Variants in RXRA observed in about 807,000 individuals in gnomAD.
The protein encoded by RXRA is retinoic acid receptor RXR-alpha.
Under a neutral mutation model 44.5 loss-of-function variants are expected in RXRA, and 5 were observed. The observed-to-expected ratio is 0.11, with a 90% CI of 0.06 to 0.24. The LOEUF is 0.24. Among genes scored for constraint, RXRA ranks in the 10% least tolerant of loss-of-function variants. The pLI, the probability that RXRA is intolerant of heterozygous loss-of-function variation, is 1.00. For synonymous variants in RXRA, 291 were observed against 271.4 expected (o/e 1.07, Z -0.71); for missense variants, 412 against 646.5 (o/e 0.64, Z 3.93).
intron 5 of RXRA, among the ~76,000 whole-genome samples, chr9:134,421,120 G>A (rs1052790291): frequency 2.0e-5 from 3 of 152,228 alleles, no homozygotes; most frequent in African/African-American, 7.2e-5. Flanking sequence ...AGAGCTGTGG[G>A]AGAGACTCGT....
chr9:134,387,793 A>G (rs76802608), intron 1 of RXRA, among the ~76,000 whole-genome samples: 16,561 of 152,228 alleles, frequency 0.11, 3,026 homozygotes, highest in African/African-American at 0.38. Context: ...TGTCCTGGGC[A>G]TCTCTGGGCT....
chr9:134,391,913 T>A (rs903831475), intron 1 of RXRA, among the ~76,000 whole-genome samples: 2 of 152,076 alleles, frequency 1.3e-5, no homozygotes, highest in Non-Finnish European at 2.9e-5. Context: ...GAGGAGCGGC[T>A]CCCCCTTGTC....
chr9:134,340,278 G>C (rs1830070875), intron 1 of RXRA, among the ~76,000 whole-genome samples: 1 of 152,208 alleles, frequency 6.6e-6, no homozygotes, highest in Non-Finnish European at 1.5e-5. Flanking sequence ...CAGGACAGGA[G>C]AATGAGAAGC....
intron 1 of RXRA, among the ~76,000 whole-genome samples, chr9:134,338,031 G>A (rs1359808945): frequency 6.6e-6 from 1 of 152,216 alleles, no homozygotes; most frequent in East Asian, 1.9e-4. Flanking sequence ...CCTTGCCCTC[G>A]TGGGCTGCCA....
At chr9:134,361,343 C>T (rs1830349160) in intron 1 of RXRA, among the ~76,000 whole-genome samples, 1 of 152,174 alleles carries the variant, frequency 6.6e-6, no homozygotes, top group African/African-American at 2.4e-5. Context: ...CCCCTGAGCC[C>T]CCAAGCCGTT....
chr9:134,395,952 C>T (rs1830871646), intron 1 of RXRA, among the ~76,000 whole-genome samples: 1 of 152,224 alleles, frequency 6.6e-6, no homozygotes. Flanking sequence ...GGGCCATGCT[C>T]CTGGGGCTGG....
At position 134,433,837 on chromosome 9, in the gene RXRA, T is replaced by C. The variant is rs778556402; in HGVS notation, c.1136-265T>C. On this transcript the variant is annotated intron_variant, in intron 8 of 9. Transcript: ENST00000481739. The surrounding 1 kb of genome is among the most constrained non-coding windows in gnomAD (Gnocchi z 4.2). ...GGAAACCGAGTCTCTGGAGGTCAAA[T>C]AGTTGACCCAAGGTCACGTGGCTGG... Among the ~76,000 whole-genome samples, 83 of 152,138 alleles carry C rather than the reference T, an allele frequency of 5.5e-4. No individual in the cohort carries two copies. Among genetic ancestry groups the C allele is most frequent in the Non-Finnish European group, 1.0e-4 (7 of 68,000 alleles).
At chr9:134,327,400 C>T (rs980919146) in intron 1 of RXRA, among the ~76,000 whole-genome samples, 46 of 152,238 alleles carry the variant, frequency 3.0e-4, no homozygotes, top group Admixed American at 9.8e-4. Flanking sequence ...CCAGACTGCC[C>T]GCCAACTCCA....
At chr9:134,376,496 C>A (rs1830559238) in intron 1 of RXRA, among the ~76,000 whole-genome samples, 1 of 152,280 alleles carries the variant, frequency 6.6e-6, no homozygotes, top group Admixed American at 6.5e-5. Flanking sequence ...TGCCGCCCGC[C>A]ACACTCTGCT....
intron 1 of RXRA, among the ~76,000 whole-genome samples, chr9:134,388,042 G>C (rs1830746170): frequency 6.6e-6 from 1 of 152,166 alleles, no homozygotes; most frequent in African/African-American, 2.4e-5. Context: ...TGCACCCCAT[G>C]GTGACCACAG....
At chr9:134,413,886 CT>C (rs1397842550) in intron 4 of RXRA, among the ~76,000 whole-genome samples, 2 of 152,158 alleles carry the variant, frequency 1.3e-5, no homozygotes, top group Non-Finnish European at 2.9e-5. Context: ...CCTGGGAGGA[CT>C]GGGCTGCGGT....
chr9:134,370,771 G>A (rs924481819), intron 1 of RXRA, among the ~76,000 whole-genome samples: 1 of 152,230 alleles, frequency 6.6e-6, no homozygotes, highest in African/African-American at 2.4e-5. Context: ...GGTGGGCCTT[G>A]TGCACAGCCC....
intron 1 of RXRA, among the ~76,000 whole-genome samples, chr9:134,331,019 TG>T (rs1181333411): frequency 6.6e-6 from 1 of 152,068 alleles, no homozygotes; most frequent in African/African-American, 2.4e-5. Context: ...TGATGGTCGC[TG>T]GGGGCTGTCA....
At chr9:134,354,114 G>A (rs1830254798) in intron 1 of RXRA, among the ~76,000 whole-genome samples, 1 of 152,194 alleles carries the variant, frequency 6.6e-6, no homozygotes, top group Non-Finnish European at 1.5e-5. Flanking sequence ...TCCAGCCTTT[G>A]TGTCTCTTCT....
rs915581870 is a variant in RXRA, at chr9:134,425,914, T to C, written c.911-3194T>C. 5 of 985,196 alleles carry C rather than the reference T, an allele frequency of 5.1e-6. No individual in the cohort carries two copies. The African/African-American group carries it at 8.7e-5, about 17-fold the overall frequency. 61.0% of individuals were successfully genotyped at this position (985,196 alleles called of 1,614,324 possible). A position where few individuals can be genotyped will look rare whatever the true frequency, so the allele number is the denominator to read the frequency against. ...TCCCTTGTGCTGCGGAAGTGGTGGCTCAGAGGTGAGACAGGAACGTGGCTG... is the reference window on the plus strand; with the variant it reads ...TCCCTTGTGCTGCGGAAGTGGTGGCCCAGAGGTGAGACAGGAACGTGGCTG... On this transcript the variant is annotated intron_variant, in intron 6 of 9. Transcript: ENST00000481739.
In RXRA at chr9:134,439,740, T is replaced by C. The variant is rs887839420; in HGVS notation, c.*3126T>C. 4.6e-5 allele frequency: 7 copies of C among 152,302 alleles called. No homozygotes were observed. The highest frequency in any genetic ancestry group is 8.8e-5 in the Non-Finnish European group (6 of 68,062). The allele number at this position is 152,302 out of a possible 1,614,324, so 9.4% of individuals were successfully genotyped here. On this transcript the variant is annotated 3_prime_UTR_variant, in exon 10 of 10. Coordinates refer to ENST00000481739, the MANE Select transcript of RXRA (RefSeq NM_002957.6). Reference sequence around the variant, plus strand: ...GTGTGTGGTGTAAACATGTATGTGCTGTACAGAGAGACGCGTGTGGAGAGA... The same window carrying C: ...GTGTGTGGTGTAAACATGTATGTGCCGTACAGAGAGACGCGTGTGGAGAGA...
intron 1 of RXRA, among the ~76,000 whole-genome samples, chr9:134,388,286 T>TGTGTGTGTGTGTGTGTGTGAGTGA (rs71381810): frequency 1.3e-5 from 2 of 150,888 alleles, no homozygotes; most frequent in Admixed American, 6.6e-5. Flanking sequence ...AGAAGCAGTG[T>TGTGTGTGTGTGTGTGTGTGAGTGA]GTGTGTGAGT....
rs559979598 is a variant in RXRA at position 134,374,537 on chromosome 9, C to G, written c.29-27095C>G. 5.8e-3 allele frequency among the ~76,000 whole-genome samples: 879 copies of G among 152,254 alleles called. 10 individuals carry two copies. The highest frequency in any genetic ancestry group is 0.02 in the African/African-American group (831 of 41,558). ...CAATGGGTTCTGGCTTGAGGGAGGC[C>G]CCCGGGGCACCCCCCGCCTCCGGTC... On this transcript the variant is annotated intron_variant, in intron 1 of 9. Transcript: ENST00000481739.
rs1297664523 is a variant in RXRA, at chr9:134,407,611, C to T, written c.280-538C>T. Among the ~76,000 whole-genome samples the T allele has an allele frequency of 6.6e-6, 1 of 152,072 alleles. No individual in the cohort carries two copies. Among genetic ancestry groups the T allele is most frequent in the Non-Finnish European group, 1.5e-5 (1 of 68,002 alleles). ...TGCCCGGGGGTGTCCACTCCCCTCT[C>T]CTGGGTCACGTGACCAGGGCCCCTG... On this transcript the variant is annotated intron_variant, in intron 2 of 9. Transcript: ENST00000481739. This position sits in a 1 kb window ranked among gnomAD's most constrained non-coding sequence, Gnocchi z 4.8.
Sources: gnomAD v4.1 joint callset for allele counts (sites outside exome capture counted in the v4.1 genomes callset) on GRCh38, gnomAD v4.1.1 for gene constraint, Gnocchi (gnomAD v3.1) non-coding constraint, MANE v1.5 for transcripts, NCBI Gene and HGNC (gene_info 2026-07-23, HGNC 2026-07-21) for gene names.